Variants in FAF1 observed in about 807,000 individuals in gnomAD.
The protein encoded by FAF1 is FAS-associated factor 1.
FAF1 carries 25 observed loss-of-function variants against 92.5 expected under a neutral mutation model. The observed-to-expected ratio is 0.27, with a 90% CI of 0.20 to 0.38. FAF1 has a LOEUF of 0.38. Among genes scored for constraint, FAF1 ranks in the 10% least tolerant of loss-of-function variants. The pLI, the probability that FAF1 is intolerant of heterozygous loss-of-function variation, is 1.00. For missense variants in FAF1, 636 were observed against 793.3 expected (o/e 0.80, Z 2.38); for synonymous variants, 234 against 273.2 (o/e 0.86, Z 1.42).
At chr1:50,462,823 G>A (rs1038073489) in intron 18 of FAF1, among the ~76,000 whole-genome samples, 5 of 152,158 alleles carry the variant, frequency 3.3e-5, no homozygotes, top group African/African-American at 7.2e-5. Context: ...AGTTATGTTC[G>A]AAGGTGGGAA....
At chr1:50,846,366 G>A (rs1200759283) in intron 2 of FAF1, 7 of 308,548 alleles carry the variant, frequency 2.3e-5, no homozygotes, top group Non-Finnish European at 3.7e-5. Context: ...CCCAGGAGAC[G>A]TCAGGCCCGG....
At chr1:50,626,631 C>T (rs1653510792) in intron 8 of FAF1, among the ~76,000 whole-genome samples, 1 of 151,986 alleles carries the variant, frequency 6.6e-6, no homozygotes, top group African/African-American at 2.4e-5. Context: ...CTATGCAGTG[C>T]CTGGTTAGTC....
chr1:50,810,648 T>C (rs1288311889), intron 2 of FAF1, among the ~76,000 whole-genome samples: 2 of 152,224 alleles, frequency 1.3e-5, no homozygotes, highest in Non-Finnish European at 2.9e-5. Context: ...CTATCTCTGT[T>C]TGCAGATGAT....
chr1:50,781,409 TAAAG>T (rs977268607), intron 4 of FAF1, among the ~76,000 whole-genome samples: 6 of 151,894 alleles, frequency 4.0e-5, no homozygotes, highest in African/African-American at 1.5e-4. Flanking sequence ...TCACAGGAGA[TAAAG>T]AAAGACATTA....
At chr1:50,955,978 G>A (rs537973954) in intron 1 of FAF1, among the ~76,000 whole-genome samples, 13 of 152,294 alleles carry the variant, frequency 8.5e-5, no homozygotes, top group Admixed American at 4.6e-4. Context: ...GTGGTTGCCA[G>A]GGGCTGAGGA....
At chr1:50,444,042 A>G (rs1278707685) in intron 18 of FAF1, among the ~76,000 whole-genome samples, 1 of 152,240 alleles carries the variant, frequency 6.6e-6, no homozygotes, top group Non-Finnish European at 1.5e-5. Flanking sequence ...CCCTAAAAAT[A>G]AAATCAAGCA....
At chr1:50,787,876 T>TA in intron 4 of FAF1, 124 bp downstream of exon 4, 1 of 698,358 alleles carries the variant, frequency 1.4e-6, no homozygotes, top group Non-Finnish European at 2.5e-6. Context: ...ATTGGAAAGT[T>TA]ACCAGTTTCA....
At chr1:50,841,756 T>C (rs945390663) in intron 2 of FAF1, among the ~76,000 whole-genome samples, 2 of 150,578 alleles carry the variant, frequency 1.3e-5, no homozygotes, top group Non-Finnish European at 3.0e-5. Context: ...GATAGTAAAA[T>C]TTTTTTTAAG....
intron 9 of FAF1, among the ~76,000 whole-genome samples, chr1:50,594,314 CAAAAAA>C (rs57900829): frequency 2.5e-5 from 2 of 81,224 alleles, no homozygotes; most frequent in African/African-American, 8.1e-5. Flanking sequence ...GATCCTGTCT[CAAAAAA>C]AAAAAAAAAA....
At chr1:50,511,706 A>C (rs1052353111) in intron 15 of FAF1, among the ~76,000 whole-genome samples, 2 of 152,196 alleles carry the variant, frequency 1.3e-5, no homozygotes, top group Admixed American at 6.5e-5. Context: ...TGCAATAAAC[A>C]TATGTGTGCA....
At chr1:50,838,661 C>T (rs1644232017) in intron 2 of FAF1, among the ~76,000 whole-genome samples, 1 of 151,356 alleles carries the variant, frequency 6.6e-6, no homozygotes, top group East Asian at 1.9e-4. Flanking sequence ...GCTGCTCCCA[C>T]AGATGTTACT....
At chr1:50,605,624 T>G (rs1424185161) in intron 8 of FAF1, among the ~76,000 whole-genome samples, 1 of 152,158 alleles carries the variant, frequency 6.6e-6, no homozygotes, top group Non-Finnish European at 1.5e-5. Context: ...AGCCCTTCTT[T>G]CACAGTTCCT....
At chr1:50,600,614 T>C (rs1652063476) in intron 8 of FAF1, among the ~76,000 whole-genome samples, 1 of 152,112 alleles carries the variant, frequency 6.6e-6, no homozygotes, top group Admixed American at 6.5e-5. Flanking sequence ...ATAATATCTA[T>C]AATTATTTGA....
chr1:50,487,737 C>A (rs1331320703), intron 17 of FAF1, among the ~76,000 whole-genome samples: 1 of 152,168 alleles, frequency 6.6e-6, no homozygotes, highest in African/African-American at 2.4e-5. Context: ...TCTAAAGGAT[C>A]TTAGAATATT....
chr1:50,919,999 G>A (rs1201502692), intron 1 of FAF1, among the ~76,000 whole-genome samples: 1 of 152,016 alleles, frequency 6.6e-6, no homozygotes, highest in African/African-American at 2.4e-5. Flanking sequence ...GGTCAGGAAT[G>A]GCCATAACAA....
intron 2 of FAF1, among the ~76,000 whole-genome samples, chr1:50,825,861 A>G (rs1004818082): frequency 6.6e-6 from 1 of 152,212 alleles, no homozygotes; most frequent in African/African-American, 2.4e-5. Context: ...ACAGTACTAA[A>G]AAGTTAAATA....
At chr1:50,608,724 T>A (rs1652541742) in intron 8 of FAF1, among the ~76,000 whole-genome samples, 1 of 152,166 alleles carries the variant, frequency 6.6e-6, no homozygotes, top group South Asian at 2.1e-4. Context: ...TAAGGTAACT[T>A]CTTTGGTAGG....
intron 4 of FAF1, among the ~76,000 whole-genome samples, chr1:50,760,888 T>C (rs1341444055): frequency 1.3e-5 from 2 of 151,980 alleles, no homozygotes; most frequent in Non-Finnish European, 2.9e-5. Flanking sequence ...AAAAAATTAA[T>C]GAATCCAGGA....
intron 8 of FAF1, among the ~76,000 whole-genome samples, chr1:50,645,360 T>TA (rs761092781): frequency 1.3e-5 from 2 of 152,150 alleles, no homozygotes; most frequent in Non-Finnish European, 2.9e-5. Flanking sequence ...GAAAGAGAGT[T>TA]AATGTTTGTT....
Sources: allele counts gnomAD v4.1 joint callset (sites outside exome capture counted in the v4.1 genomes callset), GRCh38; gene constraint gnomAD v4.1.1; transcripts MANE v1.5; gene names NCBI Gene and HGNC (gene_info 2026-07-23, HGNC 2026-07-21).